EPHA5: variants seen among roughly 807,000 people sequenced by gnomAD.
The protein encoded by EPHA5 is EPH receptor A5, also known as ephrin type-A receptor 5.
A neutral mutation model predicts 105.0 loss-of-function variants in EPHA5; 60 were observed. The ratio of observed to expected loss-of-function variants is 0.57; its 90% CI spans 0.46 to 0.71. The LOEUF (loss-of-function observed/expected upper bound fraction) is 0.71. Ranked by LOEUF, EPHA5 falls within the 30% of genes least tolerant of loss-of-function variation. The pLI, the probability that EPHA5 is intolerant of heterozygous loss-of-function variation, is 0.00. For synonymous variants in EPHA5, 513 were observed against 449.1 expected, an observed-to-expected ratio of 1.14 and a Z score of -1.80; for missense variants, 1,218 against 1,274.7, an observed-to-expected ratio of 0.96 and a Z score of 0.68.
At chr4:65,523,496 A>G (rs1441071879) in intron 3 of EPHA5, among the ~76,000 whole-genome samples, 2 of 152,032 alleles carry the variant, frequency 1.3e-5, no homozygotes, top group Admixed American at 1.3e-4. Context: ...GTTAGCTGGT[A>G]CAAAAGACAG....
rs183969601 is a variant in EPHA5 at position 65,414,330 on chromosome 4, G to T, written c.1641C>A (p.Gly547=). ...VFQIRARTAA[G]YGVFSRRFEF... ...CAAATCTTCGACTGAAGACACCATA[G>T]CCTGCTGCTGTACGTGCTCGAATTT... Residue 547 remains glycine, a synonymous_variant, in exon 7 of 17, where the codon GGC becomes GGA. Transcript: ENST00000613740. The T allele has an allele frequency of 6.4e-5, 103 of 1,613,950 alleles. No homozygotes were observed. In the East Asian group the frequency reaches 2.0e-3, roughly 32 times the overall value.
intron 8 of EPHA5, among the ~76,000 whole-genome samples, chr4:65,387,493 C>T (rs1720221321): frequency 1.3e-5 from 2 of 152,038 alleles, no homozygotes; most frequent in Non-Finnish European, 2.9e-5. Flanking sequence ...TTAAAAGTAG[C>T]TTTTTCCCTA....
chr4:65,364,941 T>C (rs1229421002), intron 11 of EPHA5, 76 bp downstream of exon 11: 1 of 1,240,174 alleles, frequency 8.1e-7, no homozygotes, highest in African/African-American at 1.5e-5. Flanking sequence ...TTGGTTTCTC[T>C]TTACCCTAAA....
chr4:65,324,233 G>T lies in EPHA5; in HGVS notation c.2946-14C>A. 3.2e-6 allele frequency: 5 copies of T among 1,571,876 alleles called. No homozygotes were observed. The highest frequency in any genetic ancestry group is 3.5e-6 in the Non-Finnish European group (4 of 1,144,662). On this transcript the variant is annotated splice_polypyrimidine_tract_variant and intron_variant, in intron 16 of 16. Coordinates refer to ENST00000613740, the MANE Select transcript of EPHA5 (RefSeq NM_001281766.3). ...CGTCTCAAATCCCTGCATGAAGAAA[G>T]CACACATTGGATGTATTGATTCAAT...
chr4:65,499,039 C>A (rs1025388705), intron 3 of EPHA5, among the ~76,000 whole-genome samples: 7 of 150,324 alleles, frequency 4.7e-5, no homozygotes, highest in Admixed American at 1.3e-4. Context: ...AACTTCATTT[C>A]CAACATCAAC....
At chr4:65,374,028 A>AGGGTAACAT in intron 8 of EPHA5, among the ~76,000 whole-genome samples, 1 of 152,108 alleles carries the variant, frequency 6.6e-6, no homozygotes, top group East Asian at 1.9e-4. Flanking sequence ...TTGAGGATAA[A>AGGGTAACAT]GGGTAACATT....
At chr4:65,640,175 A>G (rs1309261964) in intron 2 of EPHA5, among the ~76,000 whole-genome samples, 1 of 151,924 alleles carries the variant, frequency 6.6e-6, no homozygotes, top group Non-Finnish European at 1.5e-5. Flanking sequence ...CCCACTCTGC[A>G]GGGTGTGTTA....
chr4:65,516,243 T>C (rs1205150897), intron 3 of EPHA5, among the ~76,000 whole-genome samples: 1 of 152,206 alleles, frequency 6.6e-6, no homozygotes, highest in African/African-American at 2.4e-5. Flanking sequence ...TAAATAGTTG[T>C]TTAACACATG....
intron 8 of EPHA5, among the ~76,000 whole-genome samples, chr4:65,380,864 T>C (rs1276175086): frequency 2.0e-5 from 3 of 151,750 alleles, no homozygotes; most frequent in Non-Finnish European, 4.4e-5. Context: ...GGCAATAAAA[T>C]GTTCTCATGC....
At chr4:65,345,778 C>A in intron 14 of EPHA5, among the ~76,000 whole-genome samples, 1 of 151,048 alleles carries the variant, frequency 6.6e-6, no homozygotes, top group Admixed American at 6.6e-5. Flanking sequence ...CTTTTCTTTT[C>A]TTTTTTTTTC....
Position 65,490,466 on chromosome 4 carries a change from G to A in EPHA5, c.1313C>T (p.Thr438Ile), listed in dbSNP as rs777249988. 2 of 1,614,004 alleles carry A rather than the reference G, an allele frequency of 1.2e-6. No individual in the cohort carries two copies. The highest frequency in any genetic ancestry group is 2.7e-5 in the African/African-American group (2 of 74,896). ...MVDLLAHTNY[T>I]FEIEAVNGVS... ...TCCATTCACTGCCTCAATCTCAAAG[G>A]TATAGTTTGTGTGAGCGAGTAGATC... The change falls in exon 5 of 17, where the codon ACC becomes ATC. Residue 438 changes from threonine to isoleucine, a missense_variant. Coordinates refer to ENST00000613740, the MANE Select transcript of EPHA5 (RefSeq NM_001281766.3).
At chr4:65,587,098 A>G (rs900717153) in intron 3 of EPHA5, among the ~76,000 whole-genome samples, 1 of 152,088 alleles carries the variant, frequency 6.6e-6, no homozygotes, top group African/African-American at 2.4e-5. Flanking sequence ...CAAGAATGAC[A>G]TGAAAACACT....
chr4:65,362,741 T>C (rs1206549393), intron 11 of EPHA5, among the ~76,000 whole-genome samples: 1 of 151,690 alleles, frequency 6.6e-6, no homozygotes, highest in Non-Finnish European at 1.5e-5. Context: ...TACAAGAAGT[T>C]GTCTTAAGTT....
chr4:65,582,741 G>GA (rs751857018), intron 3 of EPHA5, among the ~76,000 whole-genome samples: 2 of 151,482 alleles, frequency 1.3e-5, no homozygotes, highest in South Asian at 2.1e-4. Context: ...TGTGATTTCT[G>GA]AAAAAAGAGG....
At chr4:65,659,442 G>A (rs1322618102) in intron 1 of EPHA5, among the ~76,000 whole-genome samples, 2 of 151,374 alleles carry the variant, frequency 1.3e-5, no homozygotes. Context: ...GTGGGGATCT[G>A]GACAATGAAG....
chr4:65,594,370 G>A (rs1742970270), intron 3 of EPHA5, among the ~76,000 whole-genome samples: 1 of 151,978 alleles, frequency 6.6e-6, no homozygotes. Flanking sequence ...TGAAACTCAA[G>A]TCCATTAATG....
At chr4:65,634,650 T>C (rs1746952345) in intron 2 of EPHA5, among the ~76,000 whole-genome samples, 1 of 152,102 alleles carries the variant, frequency 6.6e-6, no homozygotes, top group South Asian at 2.1e-4. Flanking sequence ...TTCATTATAT[T>C]GGCATTTGCA....
intron 5 of EPHA5, among the ~76,000 whole-genome samples, chr4:65,461,903 A>G (rs965705372): frequency 1.6e-4 from 24 of 152,138 alleles, no homozygotes; most frequent in African/African-American, 5.8e-4. Context: ...ACCCAGGTCA[A>G]GTCTACAGAG....
intron 3 of EPHA5, among the ~76,000 whole-genome samples, chr4:65,583,768 T>C (rs62300410): frequency 0.06 from 9,151 of 151,770 alleles, 385 homozygotes; most frequent in Admixed American, 0.11. Flanking sequence ...ATATCTTTGT[T>C]ATTGTTTTTC....
Sources: allele counts gnomAD v4.1 joint callset (sites outside exome capture counted in the v4.1 genomes callset), GRCh38; gene constraint gnomAD v4.1.1; transcripts MANE v1.5; gene names NCBI Gene and HGNC (gene_info 2026-07-23, HGNC 2026-07-21).